Variants in FIG4 observed in about 807,000 individuals in gnomAD.
The protein encoded by FIG4 is polyphosphoinositide phosphatase.
A neutral mutation model predicts 118.6 loss-of-function variants in FIG4; 112 were observed. That is an observed-to-expected ratio of 0.94 (90% confidence interval 0.81 to 1.11). The LOEUF is 1.11. Among genes scored for constraint, FIG4 ranks in the 50% least tolerant of loss-of-function variants. The probability of loss-of-function intolerance (pLI) is 0.00; values close to 1 mark genes in which losing one functional copy is unlikely to be tolerated. For missense variants in FIG4, 969 were observed against 1,111.7 expected (o/e 0.87, Z 1.83); for synonymous variants, 369 against 381.2 (o/e 0.97, Z 0.37).
At chr6:109,769,887 C>G (rs1777406643) in intron 15 of FIG4, among the ~76,000 whole-genome samples, 1 of 152,182 alleles carries the variant, frequency 6.6e-6, no homozygotes, top group Non-Finnish European at 1.5e-5. Flanking sequence ...CCATTGTACT[C>G]TAGCCTGGGT....
chr6:109,741,588 T>A (rs1409391252), intron 8 of FIG4, 44 bp downstream of exon 8: 5 of 1,196,152 alleles, frequency 4.2e-6, no homozygotes, highest in Non-Finnish European at 6.3e-6. Context: ...TAACCTTTTA[T>A]ATCAGCTTTG....
At chr6:109,729,431 T>C (rs1775915021) in intron 4 of FIG4, among the ~76,000 whole-genome samples, 1 of 152,192 alleles carries the variant, frequency 6.6e-6, no homozygotes, top group African/African-American at 2.4e-5. Context: ...TACAGAGGTA[T>C]CTGCCGTCAC....
chr6:109,723,029 G>A (rs1775659131), intron 3 of FIG4, among the ~76,000 whole-genome samples: 1 of 152,202 alleles, frequency 6.6e-6, no homozygotes, highest in Non-Finnish European at 1.5e-5. Context: ...TGGAAGGGGA[G>A]CAGGCCATGA....
intron 21 of FIG4, among the ~76,000 whole-genome samples, chr6:109,796,556 CT>C (rs1308776508): frequency 6.6e-6 from 1 of 152,176 alleles, no homozygotes; most frequent in Non-Finnish European, 1.5e-5. Flanking sequence ...ATGGTTATGA[CT>C]TACATTTTAA....
chr6:109,712,645 T>C (rs1775302708), intron 1 of FIG4, among the ~76,000 whole-genome samples: 1 of 152,234 alleles, frequency 6.6e-6, no homozygotes, highest in Non-Finnish European at 1.5e-5. Context: ...TTTATCATGA[T>C]TTTTAGCTTC....
intron 10 of FIG4, among the ~76,000 whole-genome samples, chr6:109,749,588 T>TAATAAAATAA (rs56866401): frequency 0.021 from 2,970 of 141,802 alleles, 60 homozygotes; most frequent in African/African-American, 0.047. Flanking sequence ...CCTGCCTCAA[T>TAATAAAATAA]AATAAAATAA....
chr6:109,702,652 A>G (rs887493176), intron 1 of FIG4, among the ~76,000 whole-genome samples: 1 of 128,918 alleles, frequency 7.8e-6, no homozygotes, highest in East Asian at 2.2e-4. Flanking sequence ...TGCTCCAGTT[A>G]CTGCTCCCTT....
chr6:109,762,050 A>G (rs1368344480), intron 11 of FIG4, 41 bp from the exon 12 acceptor site: 2 of 1,117,968 alleles, frequency 1.8e-6, no homozygotes, highest in Non-Finnish European at 2.7e-6. Flanking sequence ...ATATATTAAA[A>G]CTTGGCTTCT....
chr6:109,786,554 G>T, intron 18 of FIG4, 105 bp downstream of exon 18: 2 of 1,274,186 alleles, frequency 1.6e-6, no homozygotes, highest in Non-Finnish European at 2.3e-6. Flanking sequence ...TAGGCCTTCT[G>T]TCAGGTGGGT....
intron 15 of FIG4, among the ~76,000 whole-genome samples, chr6:109,767,788 T>C (rs1009176978): frequency 4.6e-4 from 70 of 151,712 alleles, no homozygotes; most frequent in African/African-American, 1.7e-3. Context: ...TGGAGAATGG[T>C]GTGAACTCCG....
rs1777959239 is a variant in FIG4 at position 109,786,417 on chromosome 6, T to TA, written c.2065dup (p.Thr689AsnfsTer12). On this transcript the variant is annotated frameshift_variant, in exon 18 of 23. Coordinates refer to ENST00000230124, the MANE Select transcript of FIG4 (RefSeq NM_014845.6). LOFTEE classifies it high-confidence loss of function. ...CATATGAGTTGAGCAGCTTTGATGATACCTTTTGCTTGGCTATGACAAGCT... is the reference window on the plus strand; with the variant it reads ...CATATGAGTTGAGCAGCTTTGATGATAACCTTTTGCTTGGCTATGACAAGCT... 4 of 1,614,002 alleles carry TA rather than the reference T, an allele frequency of 2.5e-6. No individual in the cohort carries two copies. The highest frequency in any genetic ancestry group is 3.4e-6 in the Non-Finnish European group (4 of 1,179,836).
chr6:109,692,875 G>A (rs1203175300), intron 1 of FIG4, among the ~76,000 whole-genome samples: 1 of 151,980 alleles, frequency 6.6e-6, no homozygotes, highest in African/African-American at 2.4e-5. Context: ...TAATTCTTGT[G>A]TTTTTAATAA....
chr6:109,693,389 T>C (rs1774608750), intron 1 of FIG4, among the ~76,000 whole-genome samples: 1 of 152,142 alleles, frequency 6.6e-6, no homozygotes, highest in South Asian at 2.1e-4. Context: ...ACAGCACATA[T>C]CTGGTCATGC....
At position 109,804,856 on chromosome 6, in the gene FIG4, CTT is replaced by C. The variant is rs564555971; in HGVS notation, c.2546+8007_2546+8008del. 2.3e-3 allele frequency among the ~76,000 whole-genome samples: 350 copies of C among 152,248 alleles called. 1 individual carries two copies. Among genetic ancestry groups the C allele is most frequent in the Non-Finnish European group, 4.1e-3 (276 of 68,016 alleles). On this transcript the variant is annotated intron_variant, in intron 22 of 22. Coordinates refer to ENST00000230124, the MANE Select transcript of FIG4 (RefSeq NM_014845.6). Reference sequence around the variant, plus strand: ...TTAATCTAAAACTAATATAAAGAGACTTTGAGTTCTTGAGAGCAAGGCCCATC... The same window carrying C: ...TTAATCTAAAACTAATATAAAGAGACTGAGTTCTTGAGAGCAAGGCCCATC...
At chr6:109,794,326 T>C (rs527609444) in intron 21 of FIG4, among the ~76,000 whole-genome samples, 6 of 152,262 alleles carry the variant, frequency 3.9e-5, no homozygotes, top group Non-Finnish European at 8.8e-5. Flanking sequence ...TACCGTGGGA[T>C]TTTAGGCTGT....
intron 10 of FIG4, 74 bp downstream of exon 10, chr6:109,743,846 TAA>T (rs1776402075): frequency 1.3e-5 from 13 of 1,010,172 alleles, no homozygotes; most frequent in Non-Finnish European, 2.0e-5. Flanking sequence ...CAGAGGGGGT[TAA>T]CAAGCCATGC....
At chr6:109,744,831 G>C (rs1416171017) in intron 10 of FIG4, among the ~76,000 whole-genome samples, 1 of 126,710 alleles carries the variant, frequency 7.9e-6, no homozygotes, top group African/African-American at 3.1e-5. Flanking sequence ...TGATGTTCCC[G>C]TCCTTGTGTC....
chr6:109,824,491 G>C (rs1779101943), intron 22 of FIG4, among the ~76,000 whole-genome samples: 2 of 152,112 alleles, frequency 1.3e-5, no homozygotes, highest in Admixed American at 1.3e-4. Context: ...GGTAACTTCT[G>C]GTTGTTTCAG....
At position 109,791,403 on chromosome 6, in the gene FIG4, A is replaced by G. The variant is rs1369843778; in HGVS notation, c.2208A>G (p.Val736=). The change falls in exon 20 of 23, where the codon GTA becomes GTG. Residue 736 remains valine, a synonymous_variant. Transcript: ENST00000230124. ...LGNKSNREEA[V]LQRKTAASAP... ...ACAAAAGCAATAGAGAAGAAGCTGTATTACAGCGGAAAACGGCAGCCAGCG... is the reference window on the plus strand; with the variant it reads ...ACAAAAGCAATAGAGAAGAAGCTGTGTTACAGCGGAAAACGGCAGCCAGCG... 10 of 1,613,480 alleles carry G rather than the reference A, an allele frequency of 6.2e-6. No homozygotes were observed. In the Admixed American group the frequency reaches 1.2e-4, roughly 19 times the overall value.
Sources: gnomAD v4.1 joint callset for allele counts (sites outside exome capture counted in the v4.1 genomes callset) on GRCh38, gnomAD v4.1.1 for gene constraint, MANE v1.5 for transcripts, NCBI Gene and HGNC (gene_info 2026-07-23, HGNC 2026-07-21) for gene names.